Variants in ATG9B observed in about 807,000 individuals in gnomAD.
ATG9B encodes the protein autophagy-related protein 9B.
A neutral mutation model predicts 92.9 loss-of-function variants in ATG9B; 92 were observed. That is an observed-to-expected ratio of 0.99 (90% CI 0.84 to 1.18). The LOEUF is 1.18. ATG9B is among the 50% of genes most tolerant of loss of function. The pLI, the probability that ATG9B is intolerant of heterozygous loss-of-function variation, is 0.00. For synonymous variants in ATG9B, 599 were observed against 551.4 expected (o/e 1.09, Z -1.21); for missense variants, 1,344 against 1,235.0 (o/e 1.09, Z -1.32).
chr7:151,024,458 G>A lies in ATG9B; in HGVS notation c.-35C>T. On this transcript the variant is annotated 5_prime_UTR_variant, in exon 1 of 14. Coordinates refer to ENST00000639579, the MANE Select transcript of ATG9B (RefSeq NM_001317056.2). ...GCTTCTCCAGAAAGGTTGGAAGGAT[G>A]GGAGCTGTTGTTGCTTCCACAAAGG... 1.5e-6 allele frequency: 2 copies of A among 1,303,106 alleles called. No homozygotes were observed. The highest frequency in any genetic ancestry group is 2.0e-6 in the Non-Finnish European group (2 of 1,018,712). The allele number at this position is 1,303,106 out of a possible 1,614,324, so 80.7% of individuals were successfully genotyped here. A position where few individuals can be genotyped will look rare whatever the true frequency, so the allele number is the denominator to read the frequency against.
At chr7:151,014,143 C>T (rs777840587), downstream of ATG9B, 2 of 1,610,042 alleles carry the variant, frequency 1.2e-6, no homozygotes, top group Non-Finnish European at 1.7e-6. Flanking sequence ...GTTCGACCCT[C>T]CCGGCTCAGA....
chr7:151,024,017 T>G lies in ATG9B; in HGVS notation c.407A>C (p.Asp136Ala). 1 of 1,592,308 alleles carries G rather than the reference T, an allele frequency of 6.3e-7. No individual in the cohort carries two copies. Among genetic ancestry groups the G allele is most frequent in the South Asian group, 1.1e-5 (1 of 88,050 alleles). Residue 136 changes from aspartate (D) to alanine (A), a missense_variant, in exon 1 of 14, where the codon GAC (aspartate) becomes GCC (alanine). Coordinates refer to ENST00000639579, the MANE Select transcript of ATG9B (RefSeq NM_001317056.2). Reference protein sequence around the residue: ...TPTPSQQCPQDSPGLRVGPLI... With the variant: ...TPTPSQQCPQASPGLRVGPLI... ...AGGGCCTACCCGCAGCCCAGGAGAG[T>G]CCTGGGGGCACTGCTGTGAGGGAGT...
In ATG9B at chr7:151,016,011, GC is replaced by G; in HGVS notation, c.2659del (p.Ala887ProfsTer23). On this transcript the variant is annotated frameshift_variant, in exon 13 of 14. Coordinates refer to ENST00000639579, the MANE Select transcript of ATG9B (RefSeq NM_001317056.2). LOFTEE classifies it high-confidence loss of function. ...TCCCCACTGTTGTCTGGGGCTAGAG[GC>G]AGGACTGGAGCCTGGTGAAAAAGGC... ...PSWSSDGSSP[A>X]SSPRQQWGTQ... 6.4e-7 allele frequency: 1 copy of G among 1,551,578 alleles called. No homozygotes were observed. The highest frequency in any genetic ancestry group is 8.7e-7 in the Non-Finnish European group (1 of 1,146,954).
In ATG9B at chr7:151,018,059, G is replaced by A. The variant is rs1307889104; in HGVS notation, c.1873-9C>T. 4.5e-6 allele frequency: 7 copies of A among 1,569,458 alleles called. No individual in the cohort carries two copies. The highest frequency in any genetic ancestry group is 6.1e-6 in the Non-Finnish European group (7 of 1,156,492). On this transcript the variant is annotated splice_polypyrimidine_tract_variant and intron_variant, in intron 7 of 13. Transcript: ENST00000639579. This position sits in a 1 kb window ranked among gnomAD's most constrained non-coding sequence, Gnocchi z 4.7. Reference sequence around the variant, plus strand: ...TCCTCCAGGAGGGAGACCTGGGGAAGCAGCGGTGAGGCTGAGCAGGGGTCG... The same window carrying A: ...TCCTCCAGGAGGGAGACCTGGGGAAACAGCGGTGAGGCTGAGCAGGGGTCG...
At chr7:151,013,050 C>A, downstream of ATG9B, 1 of 651,066 alleles carries the variant, frequency 1.5e-6, no homozygotes, top group Non-Finnish European at 2.5e-6. Flanking sequence ...CTCTGTAAAT[C>A]AGGGCTGTGC....
downstream of ATG9B, chr7:151,013,775 G>T: frequency 6.2e-7 from 1 of 1,611,642 alleles, no homozygotes; most frequent in Non-Finnish European, 8.5e-7. Flanking sequence ...GGTGCACCGC[G>T]TGCTGTGCCT....
chr7:151,013,929 G>GCGGGC (rs201015554), downstream of ATG9B: 157 of 1,598,094 alleles, frequency 9.8e-5, 1 homozygote, highest in African/African-American at 1.8e-3. Flanking sequence ...GTGCGGAGGG[G>GCGGGC]CGGGCCGGGC....
At chr7:151,020,135 C>G (rs1795693180) in intron 5 of ATG9B, 1 of 152,652 alleles carries the variant, frequency 6.6e-6, no homozygotes, top group African/African-American at 2.4e-5. Context: ...CACTCCCAGC[C>G]CCACCCGACT....
At chr7:151,022,966 G>A in intron 4 of ATG9B, 79 bp downstream of exon 4, 2 of 1,571,624 alleles carry the variant, frequency 1.3e-6, no homozygotes, top group Non-Finnish European at 1.7e-6. Context: ...CTAGATGACG[G>A]GACAAAGTGG....
At chr7:151,017,015 G>A in intron 9 of ATG9B, 21 bp downstream of exon 9, 1 of 1,567,508 alleles carries the variant, frequency 6.4e-7, no homozygotes, top group Non-Finnish European at 8.7e-7. Context: ...GGCAGAAGGG[G>A]AGGCCAGGCT....
chr7:151,014,606 T>TG (rs1384843372), downstream of ATG9B: 1 of 156,334 alleles, frequency 6.4e-6, no homozygotes, highest in African/African-American at 2.5e-5. Context: ...TACAGTTTTT[T>TG]TTTTTTGTTT....
chr7:151,019,268 A>T lies in ATG9B; in HGVS notation c.1070T>A (p.Ile357Asn). Reference sequence around the variant, plus strand: ...GGTGTAGCGCAGGATGCGGTGGTGGATGTCCAGCTCCGTCAGGGGCCGCGG... The same window carrying T: ...GGTGTAGCGCAGGATGCGGTGGTGGTTGTCCAGCTCCGTCAGGGGCCGCGG... ...VQPRPLTELDIHHRILRYTNY... is the reference protein window; with the variant it reads ...VQPRPLTELDNHHRILRYTNY... The change falls in exon 6 of 14, where the codon ATC becomes AAC. Residue 357 changes from isoleucine to asparagine, a missense_variant. By Grantham distance (149) the Ile-to-Asn change is moderately radical (BLOSUM62 -3). Coordinates refer to ENST00000639579, the MANE Select transcript of ATG9B (RefSeq NM_001317056.2). 1 of 1,581,844 alleles carries T rather than the reference A, an allele frequency of 6.3e-7. No homozygotes were observed. The highest frequency in any genetic ancestry group is 8.5e-7 in the Non-Finnish European group (1 of 1,171,354).
In ATG9B at chr7:151,024,128, G is replaced by T; in HGVS notation, c.296C>A (p.Thr99Lys). ...AGGTGTCATTGCAGGTTGAGCCTGT[G>T]TTGGGGGGGTGGCTGGGATAGGGAG... The part of the protein sequence containing the change: ...SALPIPATPP[T>K]QAQPAMTPAS... The change falls in exon 1 of 14, where the codon ACA (threonine) becomes AAA (lysine). Residue 99 changes from threonine (T) to lysine (K), a missense_variant. By Grantham distance (78) the Thr-to-Lys change is moderately conservative. Transcript: ENST00000639579. 3 of 1,594,100 alleles carry T rather than the reference G, an allele frequency of 1.9e-6. No homozygotes were observed. The highest frequency in any genetic ancestry group is 2.6e-6 in the Non-Finnish European group (3 of 1,169,304).
chr7:151,013,054 GCTGTGCAGGGTCT>G, downstream of ATG9B: 2 of 667,682 alleles, frequency 3.0e-6, no homozygotes, highest in South Asian at 4.0e-5. Flanking sequence ...GTAAATCAGG[GCTGTGCAGGGTCT>G]CTGTGAAAGC....
downstream of ATG9B, chr7:151,013,735 G>A (rs1180711834): frequency 3.1e-6 from 5 of 1,607,600 alleles, no homozygotes; most frequent in Non-Finnish European, 4.2e-6. Context: ...CCTACGTGCA[G>A]GACATCCTGA....
At chr7:151,012,255 A>C, downstream of ATG9B, 1 of 771,498 alleles carries the variant, frequency 1.3e-6, no homozygotes, top group Non-Finnish European at 1.8e-6. Flanking sequence ...TTGAGATGGG[A>C]AGAACTTGGG....
rs1448237854 is a variant in ATG9B, at chr7:151,018,873, G to T, written c.1465C>A (p.Leu489Met). The change falls in exon 6 of 14, where the codon CTG (leucine) becomes ATG (methionine). Residue 489 changes from leucine to methionine, a missense_variant. Leu to Met is a conservative substitution (Grantham distance 15, BLOSUM62 2). Transcript: ENST00000639579. The surrounding 1 kb of genome is among the most constrained non-coding windows in gnomAD (Gnocchi z 4.7). ...TGCGGCAGCTCGTTGAAGTGGCGCA[G>T]CTGCAAGCGCGCCAGGCGGGACCAG... ...RGWSRLARLQ[L>M]RHFNELPHEL... 2 of 1,372,550 alleles carry T rather than the reference G, an allele frequency of 1.5e-6. No homozygotes were observed. The highest frequency in any genetic ancestry group is 3.9e-5 in the Admixed American group (1 of 25,436). 85.0% of individuals were successfully genotyped at this position (1,372,550 alleles called of 1,614,324 possible).
Position 151,017,181 on chromosome 7 carries a change from T to G in ATG9B, c.2144A>C (p.His715Pro). ...GTGCCCTGGGGGGCGCCAGAGTGGATGCGCCAGGGAGAACCGCATCAAAGA... is the reference window on the plus strand; with the variant it reads ...GTGCCCTGGGGGGCGCCAGAGTGGAGGCGCCAGGGAGAACCGCATCAAAGA... The part of the protein sequence containing the change: ...ELSLMRFSLA[H>P]PLWRPPGHSS... The change falls in exon 9 of 14, where the codon CAT becomes CCT. Residue 715 changes from histidine (H) to proline (P), a missense_variant. Transcript: ENST00000639579. The G allele has an allele frequency of 6.2e-7, 1 of 1,613,108 alleles. No homozygotes were observed. Among genetic ancestry groups the G allele is most frequent in the Non-Finnish European group, 8.5e-7 (1 of 1,179,780 alleles).
At chr7:151,012,611 G>C (rs1409852594), downstream of ATG9B, 1 of 1,045,056 alleles carries the variant, frequency 9.6e-7, no homozygotes, top group African/African-American at 1.6e-5. Flanking sequence ...ATGAGACCAA[G>C]GGGAGGGCAG....
Sources: allele counts gnomAD v4.1 joint callset, GRCh38; gene constraint gnomAD v4.1.1; non-coding constraint Gnocchi (gnomAD v3.1); transcripts MANE v1.5; gene names NCBI Gene and HGNC (gene_info 2026-07-23, HGNC 2026-07-21).